Variants in MORC3 observed in about 807,000 individuals in gnomAD.
MORC3 encodes the protein MORC family CW-type zinc finger 3, also known as MORC family CW-type zinc finger protein 3.
In MORC3, 31 loss-of-function variants were observed where a neutral mutation model predicts 109.1. The ratio of observed to expected loss-of-function variants is 0.28; its 90% CI spans 0.21 to 0.38. The LOEUF (loss-of-function observed/expected upper bound fraction) is 0.38. MORC3 is among the 10% of genes least tolerant of loss of function. The pLI, the probability that MORC3 is intolerant of heterozygous loss-of-function variation, is 1.00. For synonymous variants in MORC3, 395 were observed against 380.7 expected (o/e 1.04, Z -0.44); for missense variants, 867 against 1,135.8 (o/e 0.76, Z 3.40).
chr21:36,342,157 G>A (rs1218145041), intron 6 of MORC3, among the ~76,000 whole-genome samples: 1 of 152,118 alleles, frequency 6.6e-6, no homozygotes, highest in Non-Finnish European at 1.5e-5. Context: ...GAACCTGCAG[G>A]TGGGGCAGTG....
intron 1 of MORC3, among the ~76,000 whole-genome samples, chr21:36,321,697 C>T (rs569625895): frequency 1.3e-5 from 2 of 152,182 alleles, no homozygotes; most frequent in Admixed American, 6.5e-5. Context: ...CCTCCCTTTT[C>T]CCCCTCTCTT....
chr21:36,350,083 A>G (rs2085553672), intron 9 of MORC3, among the ~76,000 whole-genome samples: 1 of 152,198 alleles, frequency 6.6e-6, no homozygotes, highest in Non-Finnish European at 1.5e-5. Context: ...AGGTGGACAA[A>G]TTGCTTGAGC....
chr21:36,336,359 T>C (rs916498485), intron 2 of MORC3, among the ~76,000 whole-genome samples: 5 of 151,850 alleles, frequency 3.3e-5, no homozygotes, highest in East Asian at 3.9e-4. Flanking sequence ...TCTCCTGTCT[T>C]AGCCTCTGGA....
At chr21:36,348,882 G>A (rs755237926) in intron 8 of MORC3, among the ~76,000 whole-genome samples, 13 of 151,990 alleles carry the variant, frequency 8.6e-5, no homozygotes, top group Non-Finnish European at 1.8e-4. Context: ...AGAATTGGCC[G>A]GACGCGGTGG....
At chr21:36,340,911 A>G (rs1358032196) in intron 5 of MORC3, among the ~76,000 whole-genome samples, 2 of 152,170 alleles carry the variant, frequency 1.3e-5, no homozygotes, top group Admixed American at 1.3e-4. Flanking sequence ...TGGTAGGATT[A>G]CAGGCGTGAG....
chr21:36,336,814 T>G, intron 2 of MORC3, 60 bp from the exon 3 acceptor site: 2 of 1,501,574 alleles, frequency 1.3e-6, no homozygotes, highest in South Asian at 2.7e-5. Context: ...AGGATTGTTC[T>G]GAACTAATTG....
intron 2 of MORC3, among the ~76,000 whole-genome samples, chr21:36,334,509 A>T (rs530723412): frequency 4.6e-4 from 70 of 152,306 alleles, no homozygotes; most frequent in Non-Finnish European, 7.4e-4. Flanking sequence ...CATGTTGTCC[A>T]GGCTGGTCTC....
intron 15 of MORC3, among the ~76,000 whole-genome samples, chr21:36,372,139 T>G (rs963011851): frequency 6.6e-6 from 1 of 152,120 alleles, no homozygotes; most frequent in Non-Finnish European, 1.5e-5. Context: ...GGTACCACTT[T>G]TTTTTTTAAA....
At chr21:36,320,740 G>C (rs576152713) in intron 1 of MORC3, 15 of 171,072 alleles carry the variant, frequency 8.8e-5, no homozygotes, top group East Asian at 7.8e-4. Flanking sequence ...GGGGGACGGG[G>C]CTGCGGGCCT....
chr21:36,364,164 T>C lies in MORC3; in HGVS notation c.1524T>C (p.Val508=). 1 of 1,614,122 alleles carries C rather than the reference T, an allele frequency of 6.2e-7. No homozygotes were observed. ...GCTTTTCTTCTCCTAAGGAAAGTGT[T>C]CCAAGAAGACATCTTTCAGAAGGAA... ...TPSFSSPKES[V]PRRHLSEGTN... is the part of the protein sequence containing the mutation. Residue 508 remains valine (V), a synonymous_variant, in exon 14 of 17, where the codon GTT becomes GTC. Coordinates refer to ENST00000400485, the MANE Select transcript of MORC3 (RefSeq NM_015358.3).
chr21:36,375,069 A>G, intron 16 of MORC3, 74 bp from the exon 17 acceptor site: 1 of 1,409,596 alleles, frequency 7.1e-7, no homozygotes, highest in Non-Finnish European at 9.6e-7. Context: ...TGATTTTGAT[A>G]TTTTACTTTT....
intron 1 of MORC3, chr21:36,320,556 C>T (rs978046347): frequency 6.0e-6 from 2 of 335,052 alleles, no homozygotes; most frequent in Non-Finnish European, 1.1e-5. Context: ...GCTCCTCCTC[C>T]CAGCTCCCTC....
In MORC3 at chr21:36,337,912, T is replaced by A. The variant is rs1451262326; in HGVS notation, c.426T>A (p.His142Gln). ...ACTTGGAAGTCATAAAAGCGGAGCA[T>A]GTTGTTGTTCCAATAGTGGCATTCA... is the stretch of plus-strand genomic sequence containing the variant. ...QTYLEVIKAE[H>Q]VVVPIVAFNK... The change falls in exon 4 of 17, where the codon CAT (histidine) becomes CAA (glutamine). Residue 142 changes from histidine (H) to glutamine (Q), a missense_variant. Transcript: ENST00000400485. 6.2e-7 allele frequency: 1 copy of A among 1,614,176 alleles called. No individual in the cohort carries two copies. Among genetic ancestry groups the A allele is most frequent in the Admixed American group, 1.7e-5 (1 of 60,026 alleles).
At chr21:36,362,509 C>G (rs2085731180) in intron 13 of MORC3, among the ~76,000 whole-genome samples, 1 of 151,994 alleles carries the variant, frequency 6.6e-6, no homozygotes, top group African/African-American at 2.4e-5. Flanking sequence ...TACCATTGCA[C>G]TGCGGTCTGG....
intron 1 of MORC3, among the ~76,000 whole-genome samples, chr21:36,332,368 G>A (rs569925528): frequency 2.0e-5 from 3 of 152,234 alleles, no homozygotes; most frequent in Admixed American, 6.5e-5. Context: ...CCCAGGAGGC[G>A]GAGGTTGCAG....
At chr21:36,358,874 T>C (rs2085679200) in intron 10 of MORC3, among the ~76,000 whole-genome samples, 1 of 151,946 alleles carries the variant, frequency 6.6e-6, no homozygotes, top group Admixed American at 6.6e-5. Flanking sequence ...AGAGATGGGG[T>C]TTCACCGTGT....
intron 8 of MORC3, chr21:36,347,933 A>G (rs1175879808): frequency 4.6e-5 from 7 of 152,190 alleles, no homozygotes; most frequent in African/African-American, 1.7e-4. Context: ...ATTGAAGGAT[A>G]TTGTTATTAC....
At chr21:36,354,633 C>T (rs1038967495) in intron 9 of MORC3, among the ~76,000 whole-genome samples, 1 of 152,184 alleles carries the variant, frequency 6.6e-6, no homozygotes. Context: ...TATCTCTGTA[C>T]AGTACCAATC....
At chr21:36,329,408 T>C (rs73381588) in intron 1 of MORC3, among the ~76,000 whole-genome samples, 7,139 of 152,288 alleles carry the variant, frequency 0.047, 539 homozygotes, top group African/African-American at 0.16. Context: ...TGCTTTACAA[T>C]GAATCAGTGT....
Sources: allele counts gnomAD v4.1 joint callset (sites outside exome capture counted in the v4.1 genomes callset), GRCh38; gene constraint gnomAD v4.1.1; transcripts MANE v1.5; gene names NCBI Gene and HGNC (gene_info 2026-07-23, HGNC 2026-07-21).